The following PRKCE variants were observed in gnomAD, a reference collection of about 807,000 sequenced individuals.
PRKCE encodes protein kinase C epsilon.
PRKCE carries 16 observed loss-of-function variants against 85.4 expected under a neutral mutation model. The ratio of observed to expected loss-of-function variants is 0.19; its 90% CI spans 0.13 to 0.28. The LOEUF (loss-of-function observed/expected upper bound fraction) is 0.28. Ranked by LOEUF, PRKCE falls within the 10% of genes least tolerant of loss-of-function variation. PRKCE has a pLI of 1.00. For missense variants in PRKCE, 573 were observed against 975.2 expected (o/e 0.59, Z 5.49); for synonymous variants, 388 against 371.5 (o/e 1.04, Z -0.51).
At chr2:46,011,135 G>A (rs1371453816) in intron 10 of PRKCE, among the ~76,000 whole-genome samples, 2 of 152,222 alleles carry the variant, frequency 1.3e-5, no homozygotes, top group African/African-American at 4.8e-5. Context: ...TAAAGAAACA[G>A]CAATGTTCTT....
chr2:45,803,722 CA>C (rs1188652206), intron 1 of PRKCE, among the ~76,000 whole-genome samples: 2 of 152,164 alleles, frequency 1.3e-5, no homozygotes, highest in Non-Finnish European at 1.5e-5. Context: ...GGGTTATGCT[CA>C]ATTTAGGTCA....
intron 2 of PRKCE, among the ~76,000 whole-genome samples, chr2:45,917,837 C>T (rs1017779304): frequency 3.3e-5 from 5 of 152,328 alleles, no homozygotes; most frequent in East Asian, 1.9e-4. Flanking sequence ...AGCTAAGGCC[C>T]GGCGAGAAAT....
At chr2:45,797,533 G>A (rs1413282933) in intron 1 of PRKCE, among the ~76,000 whole-genome samples, 1 of 152,188 alleles carries the variant, frequency 6.6e-6, no homozygotes, top group Non-Finnish European at 1.5e-5. Context: ...CTTCTTGCAC[G>A]CACCAGGCTG....
chr2:46,083,441 AT>A (rs1027965931), intron 10 of PRKCE, among the ~76,000 whole-genome samples: 4 of 152,002 alleles, frequency 2.6e-5, no homozygotes, highest in African/African-American at 7.3e-5. Flanking sequence ...GGGAGGGGAG[AT>A]TTTTTCCCCT....
intron 10 of PRKCE, among the ~76,000 whole-genome samples, chr2:46,019,874 G>A (rs1353665844): frequency 1.6e-5 from 2 of 127,852 alleles, no homozygotes; most frequent in Non-Finnish European, 3.1e-5. Flanking sequence ...TTTTTGAGAC[G>A]GAGTCTTGCT....
rs1675169281 is a variant in PRKCE at position 46,138,064 on chromosome 2, C to T, written c.1593-7029C>T. Among the ~76,000 whole-genome samples, 1 of 152,152 alleles carries T rather than the reference C, an allele frequency of 6.6e-6. No homozygotes were observed. Among genetic ancestry groups the T allele is most frequent in the Non-Finnish European group, 1.5e-5 (1 of 68,034 alleles). On this transcript the variant is annotated intron_variant, in intron 11 of 14. Transcript: ENST00000306156. The surrounding 1 kb of genome is among the most constrained non-coding windows in gnomAD (Gnocchi z 4.2). ...ACTGCTAGGACTTATTTCTTTCCTGCTCAGATAGGTTTTATAGAATATTTT... is the reference window on the plus strand; with the variant it reads ...ACTGCTAGGACTTATTTCTTTCCTGTTCAGATAGGTTTTATAGAATATTTT...
At chr2:46,131,428 C>T (rs1471572556) in intron 11 of PRKCE, among the ~76,000 whole-genome samples, 1 of 152,222 alleles carries the variant, frequency 6.6e-6, no homozygotes, top group African/African-American at 2.4e-5. Flanking sequence ...CTCAATGACA[C>T]TGAGCAGATT....
chr2:45,974,655 A>G (rs901669822), intron 2 of PRKCE, among the ~76,000 whole-genome samples: 2 of 152,122 alleles, frequency 1.3e-5, no homozygotes, highest in East Asian at 3.8e-4. Flanking sequence ...CCCTCCAATA[A>G]CAAGATGCCC....
In PRKCE at chr2:46,040,207, C is replaced by G. The variant is rs542563322; in HGVS notation, c.1437+29690C>G. 2.6e-5 allele frequency among the ~76,000 whole-genome samples: 4 copies of G among 152,270 alleles called. No individual in the cohort carries two copies. The South Asian group carries it at 6.2e-4, about 24-fold the overall frequency. ...CCTAGGGGATGTTAACTAAATTGAA[C>G]TGAACTAGGCCTCAAAGGATGAGTA... is the stretch of plus-strand genomic sequence containing the variant. On this transcript the variant is annotated intron_variant, in intron 10 of 14. Transcript: ENST00000306156.
chr2:45,732,154 T>G (rs1681634818), intron 1 of PRKCE, among the ~76,000 whole-genome samples: 1 of 152,150 alleles, frequency 6.6e-6, no homozygotes, highest in African/African-American at 2.4e-5. Context: ...AGCTTTTTTT[T>G]GGAACAGACT....
intron 11 of PRKCE, among the ~76,000 whole-genome samples, chr2:46,123,263 G>A (rs1673516963): frequency 1.2e-5 from 1 of 85,544 alleles, no homozygotes. Flanking sequence ...ACAGCTTAAA[G>A]GAAACTCAGA....
At chr2:46,010,950 G>A (rs1389085829) in intron 10 of PRKCE, 13 of 1,406,918 alleles carry the variant, frequency 9.2e-6, no homozygotes, top group South Asian at 5.0e-5. Flanking sequence ...TGAAATAAAG[G>A]ATGTGAACAA....
chr2:45,792,696 GTTTC>G (rs1481926510), intron 1 of PRKCE, among the ~76,000 whole-genome samples: 1 of 152,166 alleles, frequency 6.6e-6, no homozygotes, highest in Non-Finnish European at 1.5e-5. Flanking sequence ...GTTAAGGAGA[GTTTC>G]TTTCTTCAAG....
chr2:45,939,180 A>G (rs115893536), intron 2 of PRKCE, among the ~76,000 whole-genome samples: 1,668 of 152,354 alleles, frequency 0.011, 38 homozygotes, highest in African/African-American at 0.037. Context: ...GGAGGCTTCA[A>G]TAAGACAAGG....
In PRKCE at chr2:46,159,537, A is replaced by G; in HGVS notation, c.1921-69A>G. The G allele has an allele frequency of 1.4e-6, 2 of 1,480,056 alleles. No individual in the cohort carries two copies. Among genetic ancestry groups the G allele is most frequent in the South Asian group, 1.4e-5 (1 of 71,580 alleles). The allele number at this position is 1,480,056 out of a possible 1,614,324, so 91.7% of individuals were successfully genotyped here. ...GAAGATGCTGCTTTGGCTGACCTCC[A>G]TCTGTCCCTTATAGCCTGTGCTGGC... On this transcript the variant is annotated intron_variant, in intron 13 of 14. Coordinates refer to ENST00000306156, the MANE Select transcript of PRKCE (RefSeq NM_005400.3). This position sits in a 1 kb window ranked among gnomAD's most constrained non-coding sequence, Gnocchi z 4.1.
chr2:45,804,419 C>T (rs1431809717), intron 1 of PRKCE, among the ~76,000 whole-genome samples: 2 of 152,182 alleles, frequency 1.3e-5, no homozygotes, highest in Admixed American at 6.5e-5. Context: ...GAGGTGGCCG[C>T]AGGTTATTCT....
intron 2 of PRKCE, among the ~76,000 whole-genome samples, chr2:45,882,025 G>C (rs1694926104): frequency 6.6e-6 from 1 of 152,132 alleles, no homozygotes; most frequent in Non-Finnish European, 1.5e-5. Flanking sequence ...TGGCCAGGGG[G>C]GAAAGGTGTT....
chr2:46,128,575 C>G (rs17034605), intron 11 of PRKCE, among the ~76,000 whole-genome samples: 5,773 of 152,160 alleles, frequency 0.038, 165 homozygotes, highest in East Asian at 0.11. Flanking sequence ...GTCACGTTCT[C>G]CTGCTCAATC....
chr2:45,967,988 T>A (rs758649775), intron 2 of PRKCE, among the ~76,000 whole-genome samples: 1 of 152,110 alleles, frequency 6.6e-6, no homozygotes, highest in African/African-American at 2.4e-5. Flanking sequence ...TGGGGAAAGA[T>A]CCCTGTGTGC....
Sources: allele counts gnomAD v4.1 joint callset (sites outside exome capture counted in the v4.1 genomes callset), GRCh38; gene constraint gnomAD v4.1.1; non-coding constraint Gnocchi (gnomAD v3.1); transcripts MANE v1.5; gene names NCBI Gene and HGNC (gene_info 2026-07-23, HGNC 2026-07-21).